Variants in RGPD2 observed in about 807,000 individuals in gnomAD.
The protein encoded by RGPD2 is RANBP2 like and GRIP domain containing 2, also known as RANBP2-like and GRIP domain-containing protein 2.
A neutral mutation model predicts 36.0 loss-of-function variants in RGPD2; 2 were observed. The ratio of observed to expected loss-of-function variants is 0.06; its 90% confidence interval spans 0.02 to 0.17. The LOEUF is 0.17. Ranked by LOEUF, RGPD2 falls within the 10% of genes least tolerant of loss-of-function variation. The probability of loss-of-function intolerance (pLI) is 1.00; values close to 1 mark genes in which losing one functional copy is unlikely to be tolerated. For missense variants in RGPD2, 40 were observed against 464.3 expected (o/e 0.09, Z 8.40); for synonymous variants, 19 against 163.8 (o/e 0.12, Z 6.75).
chr2:87,822,287 A>G (rs976970112), intron 1 of RGPD2, among the ~76,000 whole-genome samples: 1 of 152,214 alleles, frequency 6.6e-6, no homozygotes, highest in Non-Finnish European at 1.5e-5. Flanking sequence ...TCAGGTAAAC[A>G]TCATTAAAAA....
chr2:87,910,714 G>C, the RGPD2 span, among the ~76,000 whole-genome samples: 3 of 151,390 alleles, frequency 2.0e-5, no homozygotes, highest in Non-Finnish European at 2.9e-5. Context: ...AAATGATAGA[G>C]TACAATAACT....
chr2:87,957,872 A>G, the RGPD2 span, among the ~76,000 whole-genome samples: 1 of 152,302 alleles, frequency 6.6e-6, no homozygotes, highest in African/African-American at 2.4e-5. Context: ...GAATCTCAGA[A>G]AATTACTGTG....
chr2:87,847,733 G>C, the RGPD2 span, among the ~76,000 whole-genome samples: 15 of 148,400 alleles, frequency 1.0e-4, no homozygotes, highest in South Asian at 2.2e-4. Flanking sequence ...TCTTGATCTT[G>C]TGATCCGACT....
At chr2:87,831,386 A>G in the RGPD2 span, among the ~76,000 whole-genome samples, 1 of 152,214 alleles carries the variant, frequency 6.6e-6, no homozygotes, top group Non-Finnish European at 1.5e-5. Context: ...AAAATAGAGC[A>G]GATGTAATAT....
At chr2:87,933,938 T>TCAGCC in the RGPD2 span, among the ~76,000 whole-genome samples, 1 of 109,678 alleles carries the variant, frequency 9.1e-6, no homozygotes, top group Admixed American at 8.8e-5. Context: ...TTCAGCCATC[T>TCAGCC]CAGCCTCAGC....
At chr2:87,904,924 G>T in the RGPD2 span, among the ~76,000 whole-genome samples, 1 of 149,280 alleles carries the variant, frequency 6.7e-6, no homozygotes, top group Non-Finnish European at 1.5e-5. Flanking sequence ...GAGCGACAAG[G>T]TGCCACACAG....
the RGPD2 span, among the ~76,000 whole-genome samples, chr2:87,986,655 G>C: frequency 6.6e-6 from 1 of 151,556 alleles, no homozygotes; most frequent in Non-Finnish European, 1.5e-5. Flanking sequence ...CAAGGTGGGT[G>C]GATCACCTGA....
Position 87,783,042 on chromosome 2 carries a change from CA to C in RGPD2, c.3981del (p.Phe1327LeufsTer10), listed in dbSNP as rs1685474889. On this transcript the variant is annotated frameshift_variant, in exon 20 of 23. Transcript: ENST00000398146. LOFTEE classifies it high-confidence loss of function. ...TQEEERDGQY[F>X]EPVVPLPDLV... ...AGATCAGGTAAAGGAACAACAGGTT[CA>C]AAGTACTGTCCATCTCTCTCTTCTT... 1 of 1,597,790 alleles carries C rather than the reference CA, an allele frequency of 6.3e-7. No individual in the cohort carries two copies. Among genetic ancestry groups the C allele is most frequent in the African/African-American group, 1.4e-5 (1 of 72,912 alleles).
At chr2:87,918,539 G>A in the RGPD2 span, among the ~76,000 whole-genome samples, 1 of 150,156 alleles carries the variant, frequency 6.7e-6, no homozygotes, top group African/African-American at 2.4e-5. Flanking sequence ...TTGCTTCTGC[G>A]ATTCACAGAC....
the RGPD2 span, among the ~76,000 whole-genome samples, chr2:87,836,266 G>A: frequency 6.6e-5 from 9 of 136,300 alleles, no homozygotes; most frequent in African/African-American, 2.2e-4. Context: ...AGGAAGGAAG[G>A]AAGAAAGAAG....
chr2:87,972,740 C>T, the RGPD2 span: 2 of 1,610,976 alleles, frequency 1.2e-6, no homozygotes, highest in South Asian at 2.2e-5. Flanking sequence ...AGAGCTGTGC[C>T]CAGGAGTGAA....
intron 19 of RGPD2, among the ~76,000 whole-genome samples, chr2:87,784,664 AG>A (rs1685525046): frequency 8.5e-6 from 1 of 116,960 alleles, no homozygotes; most frequent in African/African-American, 2.9e-5. Flanking sequence ...CAGAAGAACA[AG>A]GGTCTAAATG....
intron 4 of RGPD2, among the ~76,000 whole-genome samples, chr2:87,813,169 A>T (rs1348729808): frequency 1.3e-5 from 2 of 152,252 alleles, no homozygotes; most frequent in African/African-American, 4.8e-5. Context: ...TGTCAGGCAA[A>T]AAATGCTATA....
the RGPD2 span, among the ~76,000 whole-genome samples, chr2:87,857,081 A>G: frequency 6.6e-6 from 1 of 152,262 alleles, no homozygotes; most frequent in Non-Finnish European, 1.5e-5. Context: ...TGAATTACAA[A>G]TCCATCTAAG....
the RGPD2 span, among the ~76,000 whole-genome samples, chr2:87,851,328 G>A: frequency 6.6e-6 from 1 of 150,390 alleles, no homozygotes; most frequent in Non-Finnish European, 1.5e-5. Context: ...GGAGGTTGCA[G>A]TGACCTGAGA....
chr2:87,834,309 G>T, the RGPD2 span, among the ~76,000 whole-genome samples: 1 of 151,988 alleles, frequency 6.6e-6, no homozygotes, highest in African/African-American at 2.4e-5. Flanking sequence ...AAAGGTATCT[G>T]TGCACACCAT....
At chr2:87,888,622 A>T in the RGPD2 span, among the ~76,000 whole-genome samples, 2 of 34,464 alleles carry the variant, frequency 5.8e-5, no homozygotes, top group Non-Finnish European at 5.9e-5. Context: ...AATTAAATTA[A>T]ATGTGTATAA....
At chr2:87,861,612 A>C in the RGPD2 span, among the ~76,000 whole-genome samples, 1 of 152,286 alleles carries the variant, frequency 6.6e-6, no homozygotes, top group East Asian at 1.9e-4. Context: ...CAAGGATCTA[A>C]ATGGTAGGGA....
the RGPD2 span, among the ~76,000 whole-genome samples, chr2:87,846,090 T>C: frequency 1.3e-5 from 2 of 151,512 alleles, no homozygotes; most frequent in African/African-American, 2.4e-5. Flanking sequence ...ATACTGCTTT[T>C]GATCAATTAA....
Sources: allele counts gnomAD v4.1 joint callset (sites outside exome capture counted in the v4.1 genomes callset), GRCh38; gene constraint gnomAD v4.1.1; transcripts MANE v1.5; gene names NCBI Gene and HGNC (gene_info 2026-07-23, HGNC 2026-07-21).